The following SETD9 variants were observed in gnomAD, a reference collection of about 807,000 sequenced individuals.
The protein encoded by SETD9 is SET domain containing 9.
Under a neutral mutation model 36.4 loss-of-function variants are expected in SETD9, and 37 were observed. That is an observed-to-expected ratio of 1.02 (90% CI 0.78 to 1.34). The LOEUF (loss-of-function observed/expected upper bound fraction) is 1.34, where lower values mean the gene tolerates loss of function less well. Ranked by LOEUF, SETD9 falls within the 40% of genes most tolerant of loss-of-function variation. The pLI, the probability that SETD9 is intolerant of heterozygous loss-of-function variation, is 0.00. For missense variants in SETD9, 323 were observed against 353.2 expected (o/e 0.91, Z 0.69); for synonymous variants, 128 against 132.9 (o/e 0.96, Z 0.26).
chr5:56,921,570 C>T (rs1026234905), downstream of SETD9: 2 of 152,612 alleles, frequency 1.3e-5, no homozygotes, highest in African/African-American at 4.8e-5. Flanking sequence ...CAAGAATACA[C>T]ATCATCCAAA....
chr5:56,914,827 GCTCTTTT>G, intron 4 of SETD9, 27 bp from the exon 5 acceptor site: 1 of 1,470,938 alleles, frequency 6.8e-7, no homozygotes, highest in Non-Finnish European at 9.3e-7. Flanking sequence ...TTGTATAATG[GCTCTTTT>G]TCTAAAAATG....
downstream of SETD9, chr5:56,928,650 A>G: frequency 1.9e-6 from 1 of 532,224 alleles, no homozygotes; most frequent in Non-Finnish European, 3.1e-6. Context: ...ATGATATCTG[A>G]AATGCTATAA....
intron 1 of SETD9, chr5:56,910,085 G>GTGTC: frequency 8.0e-7 from 1 of 1,256,610 alleles, no homozygotes; most frequent in South Asian, 1.6e-5. Flanking sequence ...CCAGCCGGAT[G>GTGTC]TGTCGCCTGT....
rs369078198 is a variant in SETD9, at chr5:56,911,234, C to T, written c.164C>T (p.Thr55Ile). The change falls in exon 2 of 6, where the codon ACA (threonine) becomes ATA (isoleucine). Residue 55 changes from threonine to isoleucine, a missense_variant. By Grantham distance (89) the Thr-to-Ile change is moderately conservative (BLOSUM62 -1). Transcript: ENST00000285947. ...ATCTCAGATGAAGATGTCCTAGGAA[C>T]ATTACTGAAAGTTTTCCAGGCTCTA... is the stretch of plus-strand genomic sequence containing the variant. ...KVISDEDVLG[T>I]LLKVFQALFL... 141 of 1,603,346 alleles carry T rather than the reference C, an allele frequency of 8.8e-5. No individual in the cohort carries two copies. Among genetic ancestry groups the T allele is most frequent in the Middle Eastern group, 3.3e-4 (2 of 5,986 alleles).
intron 5 of SETD9, 90 bp downstream of exon 5, chr5:56,915,056 A>G (rs1293499765): frequency 5.1e-6 from 5 of 984,874 alleles, no homozygotes; most frequent in African/African-American, 1.7e-5. Context: ...TTTGGGGTAA[A>G]ATTTTTTTTT....
At chr5:56,919,703 T>C (rs978854820), downstream of SETD9, 1 of 152,594 alleles carries the variant, frequency 6.6e-6, no homozygotes, top group Non-Finnish European at 1.5e-5. Flanking sequence ...GTACAAATAT[T>C]AAAATCAATG....
chr5:56,918,424 C>CTT (rs1749514250), downstream of SETD9, among the ~76,000 whole-genome samples: 1 of 152,178 alleles, frequency 6.6e-6, no homozygotes, highest in Admixed American at 6.5e-5. Flanking sequence ...TCCTCATTCT[C>CTT]TTTAGCACTT....
rs1344613384 is a variant in SETD9, at chr5:56,913,915, G to C, written c.632G>C (p.Ser211Thr). 2 of 1,613,828 alleles carry C rather than the reference G, an allele frequency of 1.2e-6. No individual in the cohort carries two copies. Among genetic ancestry groups the C allele is most frequent in the Non-Finnish European group, 1.7e-6 (2 of 1,179,886 alleles). Reference sequence around the variant, plus strand: ...GATCGACTCGGCCCTTTAAAAATGAGTGATAGTACATGGCTAACGTCAGAA... The same window carrying C: ...GATCGACTCGGCCCTTTAAAAATGACTGATAGTACATGGCTAACGTCAGAA... ...GRDRLGPLKMSDSTWLTSEIH... is the reference protein window; with the variant it reads ...GRDRLGPLKMTDSTWLTSEIH... Residue 211 changes from serine (S) to threonine (T), a missense_variant, in exon 4 of 6, where the codon AGT becomes ACT. Ser to Thr is a moderately conservative substitution (Grantham distance 58). Coordinates refer to ENST00000285947, the MANE Select transcript of SETD9 (RefSeq NM_153706.4).
chr5:56,926,767 C>A (rs1317732823), downstream of SETD9, among the ~76,000 whole-genome samples: 1 of 152,062 alleles, frequency 6.6e-6, no homozygotes, highest in Non-Finnish European at 1.5e-5. Context: ...AAAACCTGCA[C>A]ATGAATATTT....
chr5:56,916,210 G>A (rs1451884332), intron 5 of SETD9, among the ~76,000 whole-genome samples: 1 of 152,144 alleles, frequency 6.6e-6, no homozygotes, highest in African/African-American at 2.4e-5. Context: ...TGACCAACAT[G>A]GTGAAACCTC....
rs924823177 is a variant in SETD9 at position 56,911,594 on chromosome 5, G to T, written c.466+58G>T. 1.2e-5 allele frequency: 18 copies of T among 1,461,910 alleles called. No homozygotes were observed. In the Admixed American group the frequency reaches 3.3e-4, roughly 27 times the overall value. 90.6% of individuals were successfully genotyped at this position (1,461,910 alleles called of 1,614,324 possible). A position where few individuals can be genotyped will look rare whatever the true frequency, so the allele number is the denominator to read the frequency against. On this transcript the variant is annotated intron_variant, in intron 2 of 5. Coordinates refer to ENST00000285947, the MANE Select transcript of SETD9 (RefSeq NM_153706.4). ...GCTTCTTACGTATTGATAAACATAA[G>T]TTCAGTAACATACCCAGCCTTGCAA...
intron 5 of SETD9, chr5:56,923,133 C>CA (rs1749753511): frequency 3.1e-6 from 5 of 1,612,342 alleles, no homozygotes; most frequent in Non-Finnish European, 4.2e-6. Flanking sequence ...TCAGGTCACT[C>CA]AGAGTGTAGG....
upstream of SETD9, chr5:56,909,282 A>G (rs561190941): frequency 1.7e-4 from 32 of 190,402 alleles, no homozygotes; most frequent in African/African-American, 7.1e-4. Flanking sequence ...CAGAGAAACT[A>G]GGCGGTCCGC....
chr5:56,914,521 A>G (rs143543196), intron 4 of SETD9, among the ~76,000 whole-genome samples: 392 of 152,314 alleles, frequency 2.6e-3, no homozygotes, highest in African/African-American at 8.9e-3. Flanking sequence ...TTCCTGATAT[A>G]TAAAAAGTAA....
intron 5 of SETD9, chr5:56,923,456 A>G (rs1749780668): frequency 6.2e-7 from 1 of 1,614,198 alleles, no homozygotes; most frequent in African/African-American, 1.3e-5. Flanking sequence ...GGGCAGGGTG[A>G]GTAACTCTTC....
intron 1 of SETD9, 63 bp from the exon 2 acceptor site, chr5:56,911,106 A>G (rs1429417827): frequency 6.7e-7 from 1 of 1,491,760 alleles, no homozygotes; most frequent in Non-Finnish European, 8.9e-7. Context: ...CCCAGAAGTT[A>G]TGCAGGTAAG....
At chr5:56,910,630 TAATG>T in intron 1 of SETD9, 1 of 280,656 alleles carries the variant, frequency 3.6e-6, no homozygotes, top group Non-Finnish European at 7.1e-6. Flanking sequence ...TACAAAAAGA[TAATG>T]ATTATGGAAA....
chr5:56,926,413 A>G (rs187680175), downstream of SETD9, among the ~76,000 whole-genome samples: 175 of 152,234 alleles, frequency 1.1e-3, 1 homozygote, highest in South Asian at 2.5e-3. Context: ...AAACCACCCA[A>G]TTAAAATCTG....
Position 56,911,521 on chromosome 5 carries a change from G to A in SETD9, c.451G>A (p.Val151Ile), listed in dbSNP as rs750339308. 3 of 1,566,022 alleles carry A rather than the reference G, an allele frequency of 1.9e-6. No homozygotes were observed. Among genetic ancestry groups the A allele is most frequent in the Middle Eastern group, 1.7e-4 (1 of 5,826 alleles). ...AGGATTGGTACCAAAAGGCGCAGTC[G>A]TATCTATGTATCCTGGTAACAGCAC... Reference protein sequence around the residue: ...TKGLVPKGAVVSMYPGTVYQK... With the variant: ...TKGLVPKGAVISMYPGTVYQK... Residue 151 changes from valine to isoleucine, a missense_variant, in exon 2 of 6, where the codon GTA becomes ATA. Val to Ile is a conservative substitution (Grantham distance 29). Coordinates refer to ENST00000285947, the MANE Select transcript of SETD9 (RefSeq NM_153706.4).
Sources: gnomAD v4.1 joint callset for allele counts (sites outside exome capture counted in the v4.1 genomes callset) on GRCh38, gnomAD v4.1.1 for gene constraint, MANE v1.5 for transcripts, NCBI Gene and HGNC (gene_info 2026-07-23, HGNC 2026-07-21) for gene names.